SMCHD1: variants seen among roughly 807,000 people sequenced by gnomAD.
The protein encoded by SMCHD1 is structural maintenance of chromosomes flexible hinge domain-containing protein 1.
A neutral mutation model predicts 254.7 loss-of-function variants in SMCHD1; 78 were observed. The observed-to-expected ratio is 0.31, with a 90% CI of 0.26 to 0.37. SMCHD1 has a LOEUF of 0.37. Ranked by LOEUF, SMCHD1 falls within the 10% of genes least tolerant of loss-of-function variation. SMCHD1 has a pLI of 1.00. For missense variants in SMCHD1, 1,840 were observed against 2,408.1 expected (o/e 0.76, Z 4.94); for synonymous variants, 766 against 794.9 (o/e 0.96, Z 0.61).
chr18:2,778,102 G>A (rs1598436108), intron 43 of SMCHD1, 67 bp from the exon 44 acceptor site: 1 of 1,225,684 alleles, frequency 8.2e-7, no homozygotes, highest in South Asian at 1.4e-5. Flanking sequence ...CTTGCAATGT[G>A]CATTATATTT....
At chr18:2,780,238 T>TAA (rs56804553) in intron 44 of SMCHD1, among the ~76,000 whole-genome samples, 1 of 69,362 alleles carries the variant, frequency 1.4e-5, no homozygotes, top group Non-Finnish European at 2.5e-5. Context: ...AGACTCTATC[T>TAA]AAAAAAAAAA....
At position 2,804,759 on chromosome 18, in the gene SMCHD1, T is replaced by C. The variant is rs1358666616; in HGVS notation, c.*2207T>C. The C allele has an allele frequency of 6.6e-6, 1 of 152,250 alleles. No homozygotes were observed. The highest frequency in any genetic ancestry group is 1.5e-5 in the Non-Finnish European group (1 of 68,036). The allele number at this position is 152,250 out of a possible 1,614,324, so 9.4% of individuals were successfully genotyped here. A position where few individuals can be genotyped will look rare whatever the true frequency, so the allele number is the denominator to read the frequency against. ...AATAATAATAAATTGCTTTTGTGTT[T>C]AATATGTAACACGTAAGAACAATTG... On this transcript the variant is annotated 3_prime_UTR_variant, in exon 48 of 48. Transcript: ENST00000320876.
chr18:2,745,150 T>C (rs921104633), intron 29 of SMCHD1, among the ~76,000 whole-genome samples: 2 of 135,328 alleles, frequency 1.5e-5, no homozygotes, highest in Admixed American at 7.6e-5. Flanking sequence ...GCCAGGACTT[T>C]TAACTGTTGA....
chr18:2,745,261 C>A (rs2075431037), intron 29 of SMCHD1, among the ~76,000 whole-genome samples: 1 of 152,172 alleles, frequency 6.6e-6, no homozygotes, highest in African/African-American at 2.4e-5. Flanking sequence ...CCAGGCAATT[C>A]TTCTGCCTCA....
chr18:2,800,733 A>G (rs1299787376), intron 47 of SMCHD1: 1 of 152,160 alleles, frequency 6.6e-6, no homozygotes, highest in Non-Finnish European at 1.5e-5. Context: ...CGGAGAAGAG[A>G]CTTGTTGGTA....
At chr18:2,697,288 A>G (rs938638099) in intron 9 of SMCHD1, 166 bp downstream of exon 9, 6 of 449,286 alleles carry the variant, frequency 1.3e-5, no homozygotes, top group Middle Eastern at 3.6e-4. Flanking sequence ...GATTATTCCT[A>G]GATGTATTTT....
chr18:2,753,208 T>C (rs1303367354), intron 34 of SMCHD1: 1 of 152,248 alleles, frequency 6.6e-6, no homozygotes, highest in African/African-American at 2.4e-5. Context: ...GTCTCTGATT[T>C]AGTTGTGCCC....
chr18:2,791,924 C>T (rs972168901), intron 45 of SMCHD1, among the ~76,000 whole-genome samples: 3 of 152,048 alleles, frequency 2.0e-5, no homozygotes, highest in Admixed American at 1.3e-4. Flanking sequence ...CCACCCAAGG[C>T]CAGAAAGAAA....
chr18:2,773,847 T>C (rs1371469612), intron 41 of SMCHD1, among the ~76,000 whole-genome samples: 1 of 152,008 alleles, frequency 6.6e-6, no homozygotes, highest in African/African-American at 2.4e-5. Context: ...TGTTTGAACC[T>C]GGGAAGCGGA....
intron 47 of SMCHD1, 32 bp downstream of exon 47, chr18:2,796,553 G>C (rs1407041668): frequency 2.1e-6 from 3 of 1,412,418 alleles, no homozygotes; most frequent in Non-Finnish European, 2.9e-6. Flanking sequence ...ATTATGCTTG[G>C]TTAGTTTACC....
chr18:2,711,622 A>G (rs1215459203), intron 17 of SMCHD1, among the ~76,000 whole-genome samples: 2 of 149,432 alleles, frequency 1.3e-5, no homozygotes, highest in Non-Finnish European at 3.0e-5. Flanking sequence ...AGCTGGGACT[A>G]CAGGCGCCCG....
intron 25 of SMCHD1, 147 bp from the exon 26 acceptor site, chr18:2,738,250 T>C (rs1040531768): frequency 7.9e-6 from 5 of 632,318 alleles, no homozygotes; most frequent in Non-Finnish European, 1.3e-5. Flanking sequence ...TATTAGTATA[T>C]GAACCACACC....
chr18:2,667,512 CAATT>C (rs2073472439), intron 3 of SMCHD1, among the ~76,000 whole-genome samples: 1 of 152,188 alleles, frequency 6.6e-6, no homozygotes, highest in Admixed American at 6.5e-5. Context: ...CTTTACAAAT[CAATT>C]AGTTTACTGA....
rs146677207 is a variant in SMCHD1 at position 2,723,727 on chromosome 18, C to T, written c.2603+1064C>T. Among the ~76,000 whole-genome samples the T allele has an allele frequency of 4.1e-3, 626 of 152,250 alleles. 4 individuals carry two copies. Among genetic ancestry groups the T allele is most frequent in the African/African-American group, 0.014 (593 of 41,550 alleles). ...CTGGTTCAGAGATCTTCTGTTTTAA[C>T]CTTTTCAGAGATTCATCTTTCACTC... On this transcript the variant is annotated intron_variant, in intron 20 of 47. Coordinates refer to ENST00000320876, the MANE Select transcript of SMCHD1 (RefSeq NM_015295.3).
intron 47 of SMCHD1, among the ~76,000 whole-genome samples, chr18:2,799,674 T>C (rs957194420): frequency 3.3e-5 from 5 of 152,350 alleles, no homozygotes; most frequent in Admixed American, 3.3e-4. Flanking sequence ...AAATCTTCCT[T>C]ACTCTGTTAT....
intron 13 of SMCHD1, among the ~76,000 whole-genome samples, chr18:2,705,422 G>A (rs956480200): frequency 1.3e-5 from 2 of 152,156 alleles, no homozygotes; most frequent in African/African-American, 4.8e-5. Flanking sequence ...GACTGAATTT[G>A]AAGGAATTCT....
intron 17 of SMCHD1, among the ~76,000 whole-genome samples, chr18:2,709,861 T>G (rs1017806605): frequency 6.6e-6 from 1 of 152,252 alleles, no homozygotes; most frequent in Non-Finnish European, 1.5e-5. Context: ...GCTTTTTCAC[T>G]TTGTCAATGG....
Position 2,655,784 on chromosome 18 carries a change from T to G in SMCHD1, c.-292T>G. On this transcript the variant is annotated 5_prime_UTR_variant, in exon 1 of 48. Coordinates refer to ENST00000320876, the MANE Select transcript of SMCHD1 (RefSeq NM_015295.3). ...ACCGTGAGGCTCGCGTGGGCGGCGA[T>G]AGGCGCTGGGCCCGGGCCCGGTGAG... 1.2e-5 allele frequency: 3 copies of G among 258,800 alleles called. No homozygotes were observed. Among genetic ancestry groups the G allele is most frequent in the East Asian group, 6.9e-5 (1 of 14,570 alleles). 16.0% of individuals were successfully genotyped at this position (258,800 alleles called of 1,614,324 possible).
chr18:2,759,673 G>A lies in SMCHD1; in HGVS notation c.4347-979G>A, dbSNP rs530896146. Among the ~76,000 whole-genome samples the A allele has an allele frequency of 7.8e-4, 117 of 149,222 alleles. No individual in the cohort carries two copies. The Middle Eastern group carries it at 0.01, about 13-fold the overall frequency. On this transcript the variant is annotated intron_variant, in intron 34 of 47. Coordinates refer to ENST00000320876, the MANE Select transcript of SMCHD1 (RefSeq NM_015295.3). ...CAACCTCTGCCTTCCGGGTTCAAGC[G>A]ATTCTCCTGCCTCAGCCTCCTGAAT...
Sources: allele counts gnomAD v4.1 joint callset (sites outside exome capture counted in the v4.1 genomes callset), GRCh38; gene constraint gnomAD v4.1.1; transcripts MANE v1.5; gene names NCBI Gene and HGNC (gene_info 2026-07-23, HGNC 2026-07-21).